LCA5L: variants seen among roughly 807,000 people sequenced by gnomAD.
LCA5L encodes the protein lebercilin LCA5 like.
In LCA5L, 35 loss-of-function variants were observed where a neutral mutation model predicts 45.4. The observed-to-expected ratio is 0.77, with a 90% CI of 0.59 to 1.02. The LOEUF is 1.02. Ranked by LOEUF, LCA5L falls within the 50% of genes least tolerant of loss-of-function variation. The pLI is 0.00. For synonymous variants in LCA5L, 233 were observed against 264.7 expected (o/e 0.88, Z 1.16); for missense variants, 668 against 761.6 (o/e 0.88, Z 1.45).
chr21:39,429,595 T>G (rs1301530156), intron 3 of LCA5L, among the ~76,000 whole-genome samples: 2 of 152,220 alleles, frequency 1.3e-5, no homozygotes, highest in African/African-American at 4.8e-5. Flanking sequence ...TTAAGCACCA[T>G]GACTGCAACA....
At chr21:39,427,933 G>C in intron 5 of LCA5L, 1 of 306,634 alleles carries the variant, frequency 3.3e-6, no homozygotes, top group Middle Eastern at 9.7e-4. Flanking sequence ...CTCACTAGTA[G>C]GCTCCAGTAG....
chr21:39,430,806 C>A (rs1015978035), intron 3 of LCA5L, among the ~76,000 whole-genome samples: 2 of 152,182 alleles, frequency 1.3e-5, no homozygotes, highest in African/African-American at 4.8e-5. Context: ...GTTCAAACAA[C>A]AATCTAATCG....
chr21:39,416,639 T>A, intron 7 of LCA5L, among the ~76,000 whole-genome samples: 1 of 151,136 alleles, frequency 6.6e-6, no homozygotes, highest in Non-Finnish European at 1.5e-5. Context: ...AGGATTTTTA[T>A]TTGACTCTAT....
intron 5 of LCA5L, among the ~76,000 whole-genome samples, chr21:39,424,422 A>G (rs1405130418): frequency 6.6e-6 from 1 of 152,216 alleles, no homozygotes; most frequent in African/African-American, 2.4e-5. Flanking sequence ...TTGAGGCTGC[A>G]GTGAGCTATG....
At chr21:39,417,262 A>T (rs2041368210) in intron 7 of LCA5L, among the ~76,000 whole-genome samples, 1 of 150,928 alleles carries the variant, frequency 6.6e-6, no homozygotes, top group Non-Finnish European at 1.5e-5. Context: ...CTGGTCTTGA[A>T]CTCCTGACCT....
chr21:39,422,882 G>A, intron 6 of LCA5L, 94 bp downstream of exon 6: 1 of 1,136,018 alleles, frequency 8.8e-7, no homozygotes, highest in Non-Finnish European at 1.3e-6. Context: ...AGTTAGTAAT[G>A]CTTTGTTACA....
chr21:39,436,765 T>A (rs1202478159), intron 2 of LCA5L, among the ~76,000 whole-genome samples: 1 of 152,124 alleles, frequency 6.6e-6, no homozygotes, highest in Non-Finnish European at 1.5e-5. Context: ...ACAGGCATGA[T>A]CCGGGCCACA....
chr21:39,420,720 G>C lies in LCA5L; in HGVS notation c.961C>G (p.Gln321Glu). The change falls in exon 7 of 11, where the codon CAA becomes GAA. Residue 321 changes from glutamine to glutamate, a missense_variant. Physicochemically the swap from Gln to Glu is conservative, Grantham distance 29. Transcript: ENST00000288350. ...KTLQVEVKHL[Q>E]QKLKEKDREL... ...AAAAGAAATACCTTAAGTTTTTGTT[G>C]AAGGTGTTTTACTTCCACCTGCAGA... 2 of 1,611,172 alleles carry C rather than the reference G, an allele frequency of 1.2e-6. No individual in the cohort carries two copies. Among genetic ancestry groups the C allele is most frequent in the Non-Finnish European group, 1.7e-6 (2 of 1,178,340 alleles).
intron 5 of LCA5L, among the ~76,000 whole-genome samples, chr21:39,424,810 TAAAC>T (rs1308954152): frequency 2.0e-5 from 3 of 152,238 alleles, no homozygotes; most frequent in African/African-American, 7.2e-5. Flanking sequence ...GGGTCTATCT[TAAAC>T]AAAAAGTCTC....
chr21:39,416,628 T>C (rs1246966566), intron 7 of LCA5L, among the ~76,000 whole-genome samples: 1 of 151,914 alleles, frequency 6.6e-6, no homozygotes, highest in Admixed American at 6.6e-5. Flanking sequence ...ATCAGGACTA[T>C]AGGATTTTTA....
chr21:39,424,306 G>A lies in LCA5L; in HGVS notation c.323-816C>T, dbSNP rs1018053561. Among the ~76,000 whole-genome samples the A allele has an allele frequency of 2.6e-5, 4 of 152,108 alleles. No homozygotes were observed. In the East Asian group the frequency reaches 7.7e-4, roughly 29 times the overall value. On this transcript the variant is annotated intron_variant, in intron 5 of 10. Transcript: ENST00000288350. Reference sequence around the variant, plus strand: ...TGGGATTACAGGTGGGAGCCATTGTGCCCGGCCTCTACAAAATTTTGAAAA... The same window carrying A: ...TGGGATTACAGGTGGGAGCCATTGTACCCGGCCTCTACAAAATTTTGAAAA...
intron 2 of LCA5L, among the ~76,000 whole-genome samples, chr21:39,438,405 CA>C (rs2076492142): frequency 6.6e-6 from 1 of 151,950 alleles, no homozygotes; most frequent in Non-Finnish European, 1.5e-5. Flanking sequence ...TGTGGAAAAA[CA>C]TAAAGCCTAG....
At chr21:39,413,269 C>G (rs2040427770) in intron 7 of LCA5L, among the ~76,000 whole-genome samples, 1 of 151,996 alleles carries the variant, frequency 6.6e-6, no homozygotes, top group African/African-American at 2.4e-5. Context: ...TCTCTCATGC[C>G]CAGGATGCCA....
At chr21:39,414,742 C>CTCTGTGTGTGTGTGTGTG (rs1341489035) in intron 7 of LCA5L, among the ~76,000 whole-genome samples, 29 of 99,232 alleles carry the variant, frequency 2.9e-4, no homozygotes, top group African/African-American at 6.2e-4. Context: ...CTCTCTCTCT[C>CTCTGTGTGTGTGTGTGTG]TGTGTGTGTG....
chr21:39,408,593 T>C lies in LCA5L; in HGVS notation c.1282+1386A>G, dbSNP rs545388098. On this transcript the variant is annotated intron_variant, in intron 10 of 10. Coordinates refer to ENST00000288350, the MANE Select transcript of LCA5L (RefSeq NM_152505.4). ...GGCTGATGAAGTGTTGTACTCTCTA[T>C]CAAACCCTGCAGTCTGGGCCAGCTG... 7.9e-5 allele frequency: 12 copies of C among 152,428 alleles called. No homozygotes were observed. The South Asian group carries it at 2.3e-3, about 29-fold the overall frequency. 9.4% of individuals were successfully genotyped at this position (152,428 alleles called of 1,614,324 possible). A position where few individuals can be genotyped will look rare whatever the true frequency, so the allele number is the denominator to read the frequency against.
At chr21:39,437,702 T>C (rs557872482) in intron 2 of LCA5L, among the ~76,000 whole-genome samples, 12 of 152,248 alleles carry the variant, frequency 7.9e-5, no homozygotes, top group South Asian at 6.2e-4. Context: ...TCTGCCCACT[T>C]TGGCCTCCCA....
intron 5 of LCA5L, 101 bp from the exon 6 acceptor site, chr21:39,423,591 C>G (rs1465143811): frequency 4.4e-6 from 4 of 910,576 alleles, no homozygotes; most frequent in Non-Finnish European, 6.4e-6. Flanking sequence ...GCACACACAC[C>G]ACACACATAC....
chr21:39,444,972 C>A (rs775180986), intron 1 of LCA5L, among the ~76,000 whole-genome samples: 17 of 151,810 alleles, frequency 1.1e-4, no homozygotes, highest in Admixed American at 9.2e-4. Flanking sequence ...AGGGGAGGGG[C>A]GAGGGCTGGG....
At chr21:39,433,191 C>T (rs944845254) in intron 3 of LCA5L, among the ~76,000 whole-genome samples, 4 of 152,024 alleles carry the variant, frequency 2.6e-5, no homozygotes, top group African/African-American at 7.2e-5. Context: ...CCAAGACAGG[C>T]GGATTGCCTG....
Sources: allele counts gnomAD v4.1 joint callset (sites outside exome capture counted in the v4.1 genomes callset), GRCh38; gene constraint gnomAD v4.1.1; transcripts MANE v1.5; gene names NCBI Gene and HGNC (gene_info 2026-07-23, HGNC 2026-07-21).